SH3TC1: variants seen among roughly 807,000 people sequenced by gnomAD.
SH3TC1 encodes the protein SH3 domain and tetratricopeptide repeats 1, also known as SH3 domain and tetratricopeptide repeat-containing protein 1.
In SH3TC1, 135 loss-of-function variants were observed where a neutral mutation model predicts 117.3. The ratio of observed to expected loss-of-function variants is 1.15; its 90% CI spans 1.00 to 1.33. SH3TC1 has a LOEUF of 1.33. SH3TC1 is among the 40% of genes most tolerant of loss of function. SH3TC1 has a pLI of 0.00. For missense variants in SH3TC1, 2,092 were observed against 1,794.3 expected, an observed-to-expected ratio of 1.17 and a Z score of -3.00; for synonymous variants, 898 against 816.9, an observed-to-expected ratio of 1.10 and a Z score of -1.69.
chr4:8,226,882 CGGGGACACAGAGGCTGGGGATGA>C, intron 11 of SH3TC1, 75 bp from the exon 12 acceptor site: 6 of 860,278 alleles, frequency 7.0e-6, no homozygotes, highest in Non-Finnish European at 1.0e-5. Context: ...AGTGCTGCGC[CGGGGACACAGAGGCTGGGGATGA>C]GGGGACCCTG....
chr4:8,190,526 C>T lies in SH3TC1; in HGVS notation c.-57+8316C>T, dbSNP rs1353406163. On this transcript the variant is annotated intron_variant, in intron 1 of 16. Transcript: ENST00000508641. The surrounding 1 kb of genome is among the most constrained non-coding windows in gnomAD (Gnocchi z 4.7). ...GGCTCTTGGGAGAATGGCAGCCTTG[C>T]AGCCCCTGCTGTGTGCCCTCATCTG... Among the ~76,000 whole-genome samples, 3 of 152,110 alleles carry T rather than the reference C, an allele frequency of 2.0e-5. No individual in the cohort carries two copies. The highest frequency in any genetic ancestry group is 4.4e-5 in the Non-Finnish European group (3 of 68,004).
chr4:8,234,214 ATCCT>A (rs1304655840), intron 14 of SH3TC1, among the ~76,000 whole-genome samples: 2 of 146,176 alleles, frequency 1.4e-5, no homozygotes, highest in African/African-American at 2.6e-5. Flanking sequence ...ACCATCCACC[ATCCT>A]TCCATCATCC....
In SH3TC1 at chr4:8,233,470, A is replaced by G. The variant is rs185490249; in HGVS notation, c.3239A>G (p.Tyr1080Cys). The G allele has an allele frequency of 6.2e-7, 1 of 1,613,626 alleles. No homozygotes were observed. Among genetic ancestry groups the G allele is most frequent in the Admixed American group, 1.7e-5 (1 of 59,938 alleles). The change falls in exon 14 of 18, where the codon TAT (tyrosine) becomes TGT (cysteine). Residue 1080 changes from tyrosine (Y) to cysteine (C), a missense_variant. Tyr to Cys is a radical substitution (Grantham distance 194). Coordinates refer to ENST00000245105, the MANE Select transcript of SH3TC1 (RefSeq NM_018986.5). ...AHAWLQAGKI[Y>C]YILRQSELVD... ...GCCTGGCTGCAAGCAGGGAAGATCT[A>G]TTACATCTTGCGGCAGAGCGAGCTG...
intron 17 of SH3TC1, 46 bp from the exon 18 acceptor site, chr4:8,240,652 C>A: frequency 6.2e-7 from 1 of 1,609,252 alleles, no homozygotes; most frequent in Non-Finnish European, 8.5e-7. Context: ...TCTGGGGAGA[C>A]TGGCTCCGAG....
chr4:8,194,114 G>A (rs926242586), intron 1 of SH3TC1, among the ~76,000 whole-genome samples: 2 of 152,234 alleles, frequency 1.3e-5, no homozygotes, highest in South Asian at 2.1e-4. Context: ...AGCACTCAGG[G>A]TGTGCCTCCG....
intron 1 of SH3TC1, among the ~76,000 whole-genome samples, chr4:8,201,996 G>A (rs182545999): frequency 5.4e-4 from 83 of 152,312 alleles, no homozygotes; most frequent in Admixed American, 3.2e-3. Context: ...AAGGTCAGGC[G>A]TTCGGAGCGA....
rs911761847 is a variant in SH3TC1, at chr4:8,225,960, A to G, written c.1285+744A>G. Among the ~76,000 whole-genome samples the G allele has an allele frequency of 2.6e-5, 4 of 151,984 alleles. No individual in the cohort carries two copies. Among genetic ancestry groups the G allele is most frequent in the African/African-American group, 9.7e-5 (4 of 41,368 alleles). On this transcript the variant is annotated intron_variant, in intron 11 of 17. Transcript: ENST00000245105. The surrounding 1 kb of genome is among the most constrained non-coding windows in gnomAD (Gnocchi z 5.5). ...TCCAGCTGCCCCCAAGGCCAGGGTA[A>G]TAGCTGGGAGGGGCTGTTTGCCTCT...
At chr4:8,216,922 G>T in intron 6 of SH3TC1, 35 bp from the exon 7 acceptor site, 2 of 1,609,122 alleles carry the variant, frequency 1.2e-6, no homozygotes, top group Non-Finnish European at 1.7e-6. Flanking sequence ...CGCCCAGTCC[G>T]GCCACCCTCA....
At chr4:8,184,464 C>T (rs537791291) in intron 1 of SH3TC1, among the ~76,000 whole-genome samples, 2 of 152,338 alleles carry the variant, frequency 1.3e-5, no homozygotes, top group South Asian at 2.1e-4. Flanking sequence ...ACTGCAGCCT[C>T]GACCTCCCTG....
Position 8,200,845 on chromosome 4 carries a change from G to C in SH3TC1, c.-29+1440G>C, listed in dbSNP as rs564812332. ...TTACATCAGTCCACTCTCCGCCCTGGTGGTCACATGGCCTCCTGCCCGGCT... is the reference window on the plus strand; with the variant it reads ...TTACATCAGTCCACTCTCCGCCCTGCTGGTCACATGGCCTCCTGCCCGGCT... On this transcript the variant is annotated intron_variant, in intron 1 of 17. Coordinates refer to ENST00000245105, the MANE Select transcript of SH3TC1 (RefSeq NM_018986.5). Among the ~76,000 whole-genome samples, 243 of 152,336 alleles carry C rather than the reference G, an allele frequency of 1.6e-3. 1 individual carries two copies. The highest frequency in any genetic ancestry group is 5.7e-3 in the African/African-American group (235 of 41,576).
chr4:8,215,630 T>A (rs962826903), intron 5 of SH3TC1, among the ~76,000 whole-genome samples: 6 of 152,120 alleles, frequency 3.9e-5, no homozygotes, highest in African/African-American at 1.4e-4. Context: ...CTAGTTCAGC[T>A]GCGGTGAACG....
chr4:8,213,887 G>C (rs1304738143), intron 4 of SH3TC1, among the ~76,000 whole-genome samples: 2 of 6,146 alleles, frequency 3.3e-4, no homozygotes, highest in African/African-American at 7.9e-4. Context: ...CCTCATCTCT[G>C]GAAAAAAAAA....
intron 3 of SH3TC1, among the ~76,000 whole-genome samples, chr4:8,212,183 C>T (rs1718800838): frequency 6.6e-6 from 1 of 152,054 alleles, no homozygotes; most frequent in African/African-American, 2.4e-5. Flanking sequence ...GGAGGCAGAA[C>T]TGAGATTTCC....
chr4:8,193,468 C>G (rs1421840771), intron 1 of SH3TC1, among the ~76,000 whole-genome samples: 1 of 152,210 alleles, frequency 6.6e-6, no homozygotes. Flanking sequence ...AAACCCTTTA[C>G]GCCCCTGCTT....
intron 1 of SH3TC1, among the ~76,000 whole-genome samples, chr4:8,185,352 A>G (rs1717190167): frequency 1.3e-5 from 2 of 152,034 alleles, no homozygotes; most frequent in African/African-American, 4.8e-5. Context: ...AAACAAAAAA[A>G]GCGCACACAT....
chr4:8,229,114 C>G (rs1310820109), intron 12 of SH3TC1: 1 of 159,360 alleles, frequency 6.3e-6, no homozygotes, highest in African/African-American at 2.4e-5. Context: ...GGTGGTTACC[C>G]AAAGCCGCAG....
At chr4:8,236,457 G>A in intron 16 of SH3TC1, 29 bp downstream of exon 16, 1 of 1,414,556 alleles carries the variant, frequency 7.1e-7, no homozygotes, top group South Asian at 1.5e-5. Context: ...TGCCCTGCCA[G>A]GACCCACACT....
chr4:8,182,380 G>C (rs368537878), intron 1 of SH3TC1, among the ~76,000 whole-genome samples: 6 of 152,330 alleles, frequency 3.9e-5, no homozygotes, highest in Non-Finnish European at 7.3e-5. Flanking sequence ...GAAGCAGCAG[G>C]GCGGGTGCTG....
chr4:8,212,166 G>A (rs765371891), intron 3 of SH3TC1, among the ~76,000 whole-genome samples: 9 of 152,086 alleles, frequency 5.9e-5, no homozygotes, highest in Admixed American at 1.3e-4. Flanking sequence ...GAGAGGAGCC[G>A]GCTTAGGGAG....
Sources: gnomAD v4.1 joint callset for allele counts (sites outside exome capture counted in the v4.1 genomes callset) on GRCh38, gnomAD v4.1.1 for gene constraint, Gnocchi (gnomAD v3.1) non-coding constraint, MANE v1.5 for transcripts, NCBI Gene and HGNC (gene_info 2026-07-23, HGNC 2026-07-21) for gene names.